WDR64: variants seen among roughly 807,000 people sequenced by gnomAD.
The protein encoded by WDR64 is WD repeat domain 64, also known as WD repeat-containing protein 64.
A neutral mutation model predicts 139.3 loss-of-function variants in WDR64; 112 were observed. The ratio of observed to expected loss-of-function variants is 0.80; its 90% CI spans 0.69 to 0.94. The LOEUF is 0.94. Among genes scored for constraint, WDR64 ranks in the 40% least tolerant of loss-of-function variants. The pLI is 0.00. For synonymous variants in WDR64, 444 were observed against 437.7 expected, an observed-to-expected ratio of 1.01 and a Z score of -0.18; for missense variants, 1,206 against 1,293.1, an observed-to-expected ratio of 0.93 and a Z score of 1.03.
At chr1:241,770,499 G>A (rs186192800) in intron 17 of WDR64, 122 bp from the exon 18 acceptor site, 1 of 754,072 alleles carries the variant, frequency 1.3e-6, no homozygotes, top group African/African-American at 1.8e-5. Context: ...TTTCCTGAGT[G>A]GCTCAGTATC....
intron 9 of WDR64, among the ~76,000 whole-genome samples, chr1:241,718,712 C>T (rs2148190429): frequency 6.6e-6 from 1 of 152,228 alleles, no homozygotes; most frequent in Admixed American, 6.5e-5. Flanking sequence ...GTTTAAGCAA[C>T]AGAAATTTTC....
At chr1:241,686,697 C>G (rs1667016755) in intron 7 of WDR64, among the ~76,000 whole-genome samples, 1 of 152,174 alleles carries the variant, frequency 6.6e-6, no homozygotes, top group Non-Finnish European at 1.5e-5. Context: ...AACACTCTGA[C>G]AAGGAATATT....
At chr1:241,680,320 A>G (rs917212709) in intron 6 of WDR64, among the ~76,000 whole-genome samples, 2 of 152,166 alleles carry the variant, frequency 1.3e-5, no homozygotes, top group African/African-American at 2.4e-5. Flanking sequence ...TAAAAAACTA[A>G]CCTTCTTTTG....
chr1:241,692,938 A>G (rs1667353765), intron 8 of WDR64, among the ~76,000 whole-genome samples: 1 of 152,198 alleles, frequency 6.6e-6, no homozygotes, highest in Non-Finnish European at 1.5e-5. Context: ...GTGGAGCAAA[A>G]GGGACTCTCA....
rs1667830722 is a variant in WDR64, at chr1:241,703,817, G to A, written c.975-7985G>A. ...AGGAAACTTACAATCATGGCGGAAG[G>A]TGAAAGGGAAGCAAGGACCTTCTTC... On this transcript the variant is annotated intron_variant, in intron 8 of 27. Coordinates refer to ENST00000437684, the MANE Select transcript of WDR64 (RefSeq NM_001367482.1). This position sits in a 1 kb window ranked among gnomAD's most constrained non-coding sequence, Gnocchi z 5.9. Among the ~76,000 whole-genome samples, 1 of 152,164 alleles carries A rather than the reference G, an allele frequency of 6.6e-6. No homozygotes were observed. The highest frequency in any genetic ancestry group is 1.5e-5 in the Non-Finnish European group (1 of 68,022).
rs750433492 is a variant in WDR64 at position 241,783,331 on chromosome 1, T to C, written c.2655T>C (p.Tyr885=). The C allele has an allele frequency of 5.0e-6, 8 of 1,614,096 alleles. No individual in the cohort carries two copies. The highest frequency in any genetic ancestry group is 4.5e-5 in the East Asian group (2 of 44,868). ...CTTTGGAAATTATTCAAGTAATCTATGTAGAAGAAAAACAAGTGGTACTTA... is the reference window on the plus strand; with the variant it reads ...CTTTGGAAATTATTCAAGTAATCTACGTAGAAGAAAAACAAGTGGTACTTA... ...AHSLEIIQVI[Y]VEEKQVVLTA... is the part of the protein sequence containing the mutation. The change falls in exon 23 of 28, where the codon TAT becomes TAC. Residue 885 remains tyrosine, a synonymous_variant. Transcript: ENST00000437684.
intron 7 of WDR64, among the ~76,000 whole-genome samples, chr1:241,685,767 G>A (rs764585940): frequency 2.2e-4 from 34 of 152,242 alleles, no homozygotes; most frequent in Non-Finnish European, 4.1e-4. Context: ...TCACATATAA[G>A]CAGTATTACT....
chr1:241,801,015 AT>A (rs1178735529), intron 27 of WDR64, 116 bp from the exon 28 acceptor site: 21 of 779,326 alleles, frequency 2.7e-5, no homozygotes, highest in East Asian at 1.0e-4. Flanking sequence ...ATAACTATTC[AT>A]TTTTTTTCTA....
chr1:241,773,465 GTTGT>G (rs768003929), intron 20 of WDR64, among the ~76,000 whole-genome samples: 50 of 152,184 alleles, frequency 3.3e-4, no homozygotes, highest in African/African-American at 9.1e-4. Context: ...GAGGGCATTA[GTTGT>G]TTGTTTGTTT....
chr1:241,662,177 T>C (rs976862916), intron 2 of WDR64, among the ~76,000 whole-genome samples: 1 of 152,228 alleles, frequency 6.6e-6, no homozygotes, highest in African/African-American at 2.4e-5. Context: ...ACTGCTACTG[T>C]ACTAAATTAT....
In WDR64 at chr1:241,656,368, C is replaced by T. The variant is rs1377591038; in HGVS notation, c.145+3739C>T. 6.6e-6 allele frequency among the ~76,000 whole-genome samples: 1 copy of T among 152,180 alleles called. No homozygotes were observed. The highest frequency in any genetic ancestry group is 1.5e-5 in the Non-Finnish European group (1 of 68,036). On this transcript the variant is annotated intron_variant, in intron 1 of 27. Coordinates refer to ENST00000437684, the MANE Select transcript of WDR64 (RefSeq NM_001367482.1). This position sits in a 1 kb window ranked among gnomAD's most constrained non-coding sequence, Gnocchi z 4.3. ...TGAAGGAATTTGTTCAAAAGTAATG[C>T]TCTTAGATCTTGTGAGTGACCTGGG...
chr1:241,674,992 T>C lies in WDR64; in HGVS notation c.483+245T>C, dbSNP rs145214667. On this transcript the variant is annotated intron_variant, in intron 4 of 27. Coordinates refer to ENST00000437684, the MANE Select transcript of WDR64 (RefSeq NM_001367482.1). ...TTTTTCTTTCCTTCTTTCCTCCCTT[T>C]CTCCCTCCCTCTCTTCCTTCCTTTC... Among the ~76,000 whole-genome samples, 31 of 41,678 alleles carry C rather than the reference T, an allele frequency of 7.4e-4. 2 individuals carry two copies. The highest frequency in any genetic ancestry group is 1.7e-3 in the Non-Finnish European group (26 of 15,594). The allele number at this position is 41,678 out of a possible 152,430, so 27.3% of individuals were successfully genotyped here.
intron 15 of WDR64, among the ~76,000 whole-genome samples, chr1:241,763,435 C>T (rs1308130584): frequency 1.3e-5 from 2 of 152,138 alleles, no homozygotes; most frequent in African/African-American, 2.4e-5. Context: ...GTCGGCCAGG[C>T]ACAGTGGCTC....
intron 26 of WDR64, 85 bp downstream of exon 26, chr1:241,795,372 G>C (rs1438513645): frequency 9.5e-6 from 12 of 1,260,136 alleles, no homozygotes; most frequent in South Asian, 6.9e-5. Flanking sequence ...TACCAAGCAA[G>C]GTTGGAGAAA....
intron 1 of WDR64, among the ~76,000 whole-genome samples, chr1:241,653,543 CTT>C (rs33934176): frequency 1.5e-5 from 2 of 137,108 alleles, no homozygotes; most frequent in Non-Finnish European, 3.1e-5. Context: ...CTTTTCTTTT[CTT>C]TTTTTTTTTT....
At chr1:241,683,807 G>A in intron 7 of WDR64, 106 bp downstream of exon 7, 1 of 954,022 alleles carries the variant, frequency 1.0e-6, no homozygotes, top group Non-Finnish European at 1.5e-6. Flanking sequence ...CAGAAAATAA[G>A]AAATTAAGAC....
Position 241,801,237 on chromosome 1 carries a change from T to C in WDR64, c.*22T>C. The C allele has an allele frequency of 1.2e-6, 2 of 1,603,902 alleles. No homozygotes were observed. Among genetic ancestry groups the C allele is most frequent in the Non-Finnish European group, 8.5e-7 (1 of 1,171,066 alleles). ...GTAAGGAGAAAAAATCAGAAATGGCTGCTGCACATAAAATGGCAACGTTTG... is the reference window on the plus strand; with the variant it reads ...GTAAGGAGAAAAAATCAGAAATGGCCGCTGCACATAAAATGGCAACGTTTG... On this transcript the variant is annotated 3_prime_UTR_variant, in exon 28 of 28. Transcript: ENST00000437684.
At position 241,766,310 on chromosome 1, in the gene WDR64, GATC is replaced by G. The variant is rs1175023435; in HGVS notation, c.2044_2046del (p.Ile682del). 6.2e-7 allele frequency: 1 copy of G among 1,613,990 alleles called. No individual in the cohort carries two copies. Among genetic ancestry groups the G allele is most frequent in the African/African-American group, 1.3e-5 (1 of 74,930 alleles). On this transcript the variant is annotated inframe_deletion, in exon 16 of 28. Coordinates refer to ENST00000437684, the MANE Select transcript of WDR64 (RefSeq NM_001367482.1). ...TAGCAGCTGGAACCTTAAATGGTGT[GATC>G]ATCTTATGGAATTTTGTGACGTCTA...
intron 9 of WDR64, among the ~76,000 whole-genome samples, chr1:241,716,792 C>T (rs1053584008): frequency 1.8e-4 from 27 of 152,156 alleles, no homozygotes; most frequent in South Asian, 1.5e-3. Flanking sequence ...TTCCAAGCAA[C>T]GAAAGCAAGC....
Sources: allele counts gnomAD v4.1 joint callset (sites outside exome capture counted in the v4.1 genomes callset), GRCh38; gene constraint gnomAD v4.1.1; non-coding constraint Gnocchi (gnomAD v3.1); transcripts MANE v1.5; gene names NCBI Gene and HGNC (gene_info 2026-07-23, HGNC 2026-07-21).